ANKRD62: variants seen among roughly 807,000 people sequenced by gnomAD.
ANKRD62 encodes ankyrin repeat domain 62, also known as ankyrin repeat domain-containing protein 62.
ANKRD62 carries 61 observed loss-of-function variants against 98.8 expected under a neutral mutation model. The observed-to-expected ratio is 0.62, with a 90% CI of 0.50 to 0.76. The LOEUF (loss-of-function observed/expected upper bound fraction) is 0.76. ANKRD62 is among the 30% of genes least tolerant of loss of function. The pLI, the probability that ANKRD62 is intolerant of heterozygous loss-of-function variation, is 0.00. For synonymous variants in ANKRD62, 341 were observed against 367.9 expected, an observed-to-expected ratio of 0.93 and a Z score of 0.84; for missense variants, 933 against 1,082.9, an observed-to-expected ratio of 0.86 and a Z score of 1.94.
Position 12,127,839 on chromosome 18 carries a change from G to T in ANKRD62, c.2654G>T (p.Arg885Leu), listed in dbSNP as rs540412851. 98 of 1,524,576 alleles carry T rather than the reference G, an allele frequency of 6.4e-5. No individual in the cohort carries two copies. The South Asian group carries it at 9.3e-4, about 14-fold the overall frequency. 94.4% of individuals were successfully genotyped at this position (1,524,576 alleles called of 1,614,324 possible). The change falls in exon 14 of 14, where the codon CGT becomes CTT. Residue 885 changes from arginine to leucine, a missense_variant. Arg to Leu is a moderately radical substitution (Grantham distance 102, BLOSUM62 -2). Around this residue, in one of 3 missense-constraint regions of ANKRD62, gnomAD observed 362 missense variants for 434.5 expected, o/e 0.83. Transcript: ENST00000587848. ...ATGCTAGAGATTTCATCAGAACGTCGTATTAATTTAGAAGATGAGGCACAA... is the reference window on the plus strand; with the variant it reads ...ATGCTAGAGATTTCATCAGAACGTCTTATTAATTTAGAAGATGAGGCACAA... ...EAMLEISSER[R>L]INLEDEAQSL...
chr18:12,132,465 C>G (rs1343320485), downstream of ANKRD62, among the ~76,000 whole-genome samples: 1 of 151,676 alleles, frequency 6.6e-6, no homozygotes, highest in East Asian at 1.9e-4. Context: ...TCCTTCCTTC[C>G]TTCTCCCAAC....
chr18:12,138,820 T>C, the ANKRD62 span, among the ~76,000 whole-genome samples: 1 of 152,164 alleles, frequency 6.6e-6, no homozygotes, highest in Non-Finnish European at 1.5e-5. Flanking sequence ...TCTTTTTTGA[T>C]TTTTGTTGGT....
intron 11 of ANKRD62, among the ~76,000 whole-genome samples, chr18:12,123,849 T>C (rs1392962940): frequency 3.3e-5 from 5 of 152,220 alleles, no homozygotes; most frequent in Non-Finnish European, 5.9e-5. Context: ...TATTACTGTG[T>C]GAAGAAAAGG....
At position 12,110,893 on chromosome 18, in the gene ANKRD62, C is replaced by T. The variant is rs192087510; in HGVS notation, c.1064+3426C>T. 2.6e-5 allele frequency among the ~76,000 whole-genome samples: 4 copies of T among 152,270 alleles called. No individual in the cohort carries two copies. The South Asian group carries it at 6.2e-4, about 24-fold the overall frequency. ...TTTAGTTGTGACATTAGGTTGTGAA[C>T]TTAAGATCTTTCTTTTTGATGTGAG... On this transcript the variant is annotated intron_variant, in intron 8 of 13. Coordinates refer to ENST00000587848, the MANE Select transcript of ANKRD62 (RefSeq NM_001277333.2).
chr18:12,099,302 TAGA>T (rs1488630855), intron 5 of ANKRD62, among the ~76,000 whole-genome samples: 4 of 152,232 alleles, frequency 2.6e-5, no homozygotes, highest in African/African-American at 9.6e-5. Flanking sequence ...CTTCATTCTT[TAGA>T]AGAAGACATT....
At chr18:12,119,073 G>A (rs899517348) in intron 10 of ANKRD62, among the ~76,000 whole-genome samples, 1 of 152,098 alleles carries the variant, frequency 6.6e-6, no homozygotes, top group South Asian at 2.1e-4. Context: ...TTTATATTTA[G>A]GGCAATTCAG....
rs113266916 is a variant in ANKRD62, at chr18:12,095,138, A to G, written c.219-33A>G. On this transcript the variant is annotated intron_variant, in intron 1 of 13. Coordinates refer to ENST00000587848, the MANE Select transcript of ANKRD62 (RefSeq NM_001277333.2). Reference sequence around the variant, plus strand: ...GTTGTATGTTTTGGGACTGTGCACTACAATTGCCTAAAGCGACCTCTCATT... The same window carrying G: ...GTTGTATGTTTTGGGACTGTGCACTGCAATTGCCTAAAGCGACCTCTCATT... The G allele has an allele frequency of 4.7e-6, 7 of 1,485,904 alleles. No individual in the cohort carries two copies. The African/African-American group carries it at 6.9e-5, about 15-fold the overall frequency. The allele number at this position is 1,485,904 out of a possible 1,614,324, so 92.0% of individuals were successfully genotyped here. A position where few individuals can be genotyped will look rare whatever the true frequency, so the allele number is the denominator to read the frequency against.
At chr18:12,103,691 G>A (rs1909355581) in intron 7 of ANKRD62, among the ~76,000 whole-genome samples, 1 of 151,974 alleles carries the variant, frequency 6.6e-6, no homozygotes, top group African/African-American at 2.4e-5. Context: ...CAATATCTAT[G>A]TTCAGGGCAG....
intron 6 of ANKRD62, among the ~76,000 whole-genome samples, chr18:12,101,238 C>A (rs1909293837): frequency 6.6e-6 from 1 of 151,968 alleles, no homozygotes; most frequent in Non-Finnish European, 1.5e-5. Context: ...AATACATTTT[C>A]ACATTAGAGA....
chr18:12,173,244 A>C, the ANKRD62 span, among the ~76,000 whole-genome samples: 1 of 152,158 alleles, frequency 6.6e-6, no homozygotes, highest in Non-Finnish European at 1.5e-5. Flanking sequence ...ACCTCCCGCC[A>C]ACAATGTCTT....
intron 4 of ANKRD62, among the ~76,000 whole-genome samples, chr18:12,097,065 A>G (rs962144271): frequency 1.3e-5 from 2 of 152,198 alleles, no homozygotes; most frequent in African/African-American, 4.8e-5. Flanking sequence ...TGGGAACATT[A>G]CTTATCACCA....
chr18:12,121,616 T>C (rs2143927908), intron 10 of ANKRD62, among the ~76,000 whole-genome samples: 1 of 152,268 alleles, frequency 6.6e-6, no homozygotes, highest in African/African-American at 2.4e-5. Flanking sequence ...ACCGGATTCT[T>C]AGCGTCACCA....
At chr18:12,097,554 A>T (rs890340322) in intron 4 of ANKRD62, 86 bp from the exon 5 acceptor site, 1 of 1,350,468 alleles carries the variant, frequency 7.4e-7, no homozygotes, top group African/African-American at 1.5e-5. Flanking sequence ...ATGGACAGGC[A>T]TATTAAATTG....
the ANKRD62 span, among the ~76,000 whole-genome samples, chr18:12,135,124 G>A: frequency 2.0e-5 from 3 of 150,316 alleles, no homozygotes; most frequent in Non-Finnish European, 4.4e-5. Flanking sequence ...CGTGTGCCAT[G>A]TTGGTGTGCT....
At position 12,094,128 on chromosome 18, in the gene ANKRD62, G is replaced by A. The variant is rs114139820; in HGVS notation, c.111G>A (p.Lys37=). Residue 37 remains lysine (K), a synonymous_variant, in exon 1 of 14, where the codon AAG becomes AAA. Transcript: ENST00000587848. The stretch of plus-strand genomic sequence containing the variant: ...ATCCCGGGTACCGAGTCCGGCAGAA[G>A]GATCTGGGCATGATCCACAAAGCTG... ...FSNPGYRVRQ[K]DLGMIHKAAI... is the part of the protein sequence containing the mutation. 1,165 of 1,534,072 alleles carry A rather than the reference G, an allele frequency of 7.6e-4. 11 individuals carry two copies. In the African/African-American group the frequency reaches 0.014, roughly 19 times the overall value.
At chr18:12,161,951 C>T in the ANKRD62 span, among the ~76,000 whole-genome samples, 1 of 152,104 alleles carries the variant, frequency 6.6e-6, no homozygotes, top group Non-Finnish European at 1.5e-5. Context: ...AGGTTGCTTC[C>T]ACATCTTGGC....
In ANKRD62 at chr18:12,125,802, G is replaced by A; in HGVS notation, c.1981G>A (p.Ala661Thr). ...TEMESYRCRL[A>T]AALCDHDQRQ... ...AATGGAATCATACCGTTGTAGACTGGCTGCTGCCCTATGTGATCATGATCA... is the reference window on the plus strand; with the variant it reads ...AATGGAATCATACCGTTGTAGACTGACTGCTGCCCTATGTGATCATGATCA... Residue 661 changes from alanine to threonine, a missense_variant, in exon 13 of 14, where the codon GCT becomes ACT. Coordinates refer to ENST00000587848, the MANE Select transcript of ANKRD62 (RefSeq NM_001277333.2). The A allele has an allele frequency of 6.5e-7, 1 of 1,549,434 alleles. No homozygotes were observed. The highest frequency in any genetic ancestry group is 1.2e-5 in the South Asian group (1 of 84,060).
chr18:12,096,881 G>A (rs1273309973), intron 4 of ANKRD62, among the ~76,000 whole-genome samples: 3 of 152,066 alleles, frequency 2.0e-5, no homozygotes, highest in African/African-American at 7.2e-5. Context: ...TACTTCTAGT[G>A]TATTTTGGTG....
In ANKRD62 at chr18:12,095,160, C is replaced by T. The variant is rs907616140; in HGVS notation, c.219-11C>T. The T allele has an allele frequency of 5.2e-6, 8 of 1,534,658 alleles. No individual in the cohort carries two copies. The highest frequency in any genetic ancestry group is 6.1e-6 in the Non-Finnish European group (7 of 1,145,394). On this transcript the variant is annotated splice_polypyrimidine_tract_variant and intron_variant, in intron 1 of 13. Coordinates refer to ENST00000587848, the MANE Select transcript of ANKRD62 (RefSeq NM_001277333.2). The stretch of plus-strand genomic sequence containing the variant: ...ACTACAATTGCCTAAAGCGACCTCT[C>T]ATTCTCACAGGACTGCTCTACTTTT...
Sources: allele counts gnomAD v4.1 joint callset (sites outside exome capture counted in the v4.1 genomes callset), GRCh38; gene constraint gnomAD v4.1.1; regional missense constraint gnomAD v4.1.1; transcripts MANE v1.5; gene names NCBI Gene and HGNC (gene_info 2026-07-23, HGNC 2026-07-21).